The following FRAS1 variants were observed in gnomAD, a reference collection of about 807,000 sequenced individuals.
FRAS1 encodes extracellular matrix organizing protein FRAS1.
Under a neutral mutation model 435.2 loss-of-function variants are expected in FRAS1, and 290 were observed. That is an observed-to-expected ratio of 0.67 (90% CI 0.61 to 0.73). The LOEUF is 0.73. Among genes scored for constraint, FRAS1 ranks in the 30% least tolerant of loss-of-function variants. The pLI, the probability that FRAS1 is intolerant of heterozygous loss-of-function variation, is 0.00. For synonymous variants in FRAS1, 1,800 were observed against 1,851.0 expected (o/e 0.97, Z 0.71); for missense variants, 4,860 against 5,001.5 (o/e 0.97, Z 0.85).
chr4:78,379,992 C>T lies in FRAS1; in HGVS notation c.3559C>T (p.Leu1187Phe), dbSNP rs768024684. 1.9e-6 allele frequency: 3 copies of T among 1,612,102 alleles called. No homozygotes were observed. Among genetic ancestry groups the T allele is most frequent in the South Asian group, 1.1e-5 (1 of 90,734 alleles). ...KVRFVHSKEK[L>F]RKGYLFLKIS... ...GCGTTTTGTGCACAGCAAAGAAAAA[C>T]TCAGGTGACTCTGTGTTCTGTTGTT... The change falls in exon 27 of 74, where the codon CTC becomes TTC. Residue 1187 changes from leucine to phenylalanine, a missense_variant. Physicochemically the swap from Leu to Phe is conservative, Grantham distance 22 (BLOSUM62 0). Transcript: ENST00000512123.
At chr4:78,318,203 A>C (rs1258297126) in intron 17 of FRAS1, among the ~76,000 whole-genome samples, 1 of 152,236 alleles carries the variant, frequency 6.6e-6, no homozygotes, top group Non-Finnish European at 1.5e-5. Flanking sequence ...AATCTTTTAA[A>C]GAACGGGAGA....
Position 78,315,587 on chromosome 4 carries a change from C to A in FRAS1, c.1679-7C>A. The stretch of plus-strand genomic sequence containing the variant: ...CTTTCTCTGATGGGTTTTTTGCCTC[C>A]CCTTAGCTTGTGACCAATCCTGTGA... On this transcript the variant is annotated splice_polypyrimidine_tract_variant and splice_region_variant and intron_variant, in intron 15 of 73. Coordinates refer to ENST00000512123, the MANE Select transcript of FRAS1 (RefSeq NM_025074.7). 6.2e-7 allele frequency: 1 copy of A among 1,603,112 alleles called. No individual in the cohort carries two copies.
At chr4:78,332,372 C>T (rs1467653019) in intron 18 of FRAS1, among the ~76,000 whole-genome samples, 1 of 152,172 alleles carries the variant, frequency 6.6e-6, no homozygotes, top group African/African-American at 2.4e-5. Flanking sequence ...ACAATGGCTA[C>T]CCTTGAGAAG....
chr4:78,442,366 G>A (rs942734261), intron 41 of FRAS1, among the ~76,000 whole-genome samples: 1 of 152,238 alleles, frequency 6.6e-6, no homozygotes, highest in African/African-American at 2.4e-5. Context: ...ACAGGGAAAG[G>A]AGCAAAGCAC....
chr4:78,475,860 A>G (rs1338750842), intron 54 of FRAS1, among the ~76,000 whole-genome samples: 2 of 152,232 alleles, frequency 1.3e-5, no homozygotes, highest in Non-Finnish European at 2.9e-5. Context: ...CTTCATGACA[A>G]AAAGAAGTCT....
chr4:78,273,005 G>T (rs1233758843), intron 9 of FRAS1, among the ~76,000 whole-genome samples: 1 of 152,110 alleles, frequency 6.6e-6, no homozygotes, highest in Non-Finnish European at 1.5e-5. Context: ...GTGGTTTGTA[G>T]TTCTCCTTGA....
intron 56 of FRAS1, among the ~76,000 whole-genome samples, chr4:78,480,878 C>T (rs966353795): frequency 4.6e-5 from 7 of 152,180 alleles, no homozygotes; most frequent in Non-Finnish European, 5.9e-5. Flanking sequence ...GAGCACTTAC[C>T]GAATGCCGGG....
At chr4:78,533,333 T>C (rs1158994787) in intron 70 of FRAS1, among the ~76,000 whole-genome samples, 1 of 152,232 alleles carries the variant, frequency 6.6e-6, no homozygotes. Flanking sequence ...GAATATTTGC[T>C]GAATAAATGA....
intron 2 of FRAS1, among the ~76,000 whole-genome samples, chr4:78,130,207 T>A (rs1372128916): frequency 6.6e-6 from 1 of 152,184 alleles, no homozygotes; most frequent in Non-Finnish European, 1.5e-5. Flanking sequence ...TACCTTCCGG[T>A]TTTAAGCTCC....
intron 6 of FRAS1, among the ~76,000 whole-genome samples, chr4:78,264,259 G>A (rs1726246645): frequency 6.6e-6 from 1 of 152,194 alleles, no homozygotes; most frequent in Non-Finnish European, 1.5e-5. Context: ...GAGACAAATA[G>A]TCTGATATTC....
At position 78,108,777 on chromosome 4, in the gene FRAS1, C is replaced by CA. The variant is rs1489781422; in HGVS notation, c.108+42767dup. Among the ~76,000 whole-genome samples the CA allele has an allele frequency of 4.6e-5, 5 of 108,046 alleles. 1 individual carries two copies. Among genetic ancestry groups the CA allele is most frequent in the African/African-American group, 2.0e-4 (5 of 25,566 alleles). The allele number at this position is 108,046 out of a possible 152,430, so 70.9% of individuals were successfully genotyped here. On this transcript the variant is annotated intron_variant, in intron 2 of 73. Transcript: ENST00000512123. ...AGCAGAACTGAAGGAAATAGAGACA[C>CA]AAAAAACCCTTCAAAAAATCAATGA...
rs370226768 is a variant in FRAS1 at position 78,130,671 on chromosome 4, G to T, written c.108+64655G>T. Among the ~76,000 whole-genome samples the T allele has an allele frequency of 4.0e-4, 61 of 152,298 alleles. 2 individuals carry two copies. The highest frequency in any genetic ancestry group is 1.4e-3 in the African/African-American group (59 of 41,566). On this transcript the variant is annotated intron_variant, in intron 2 of 73. Transcript: ENST00000512123. ...CCAATCCAGGCACTAAGGATTTGGG[G>T]ACAGACTTGGCCCTATCCTCATGAA... is the stretch of plus-strand genomic sequence containing the variant.
chr4:78,435,763 A>G (rs1020105883), intron 38 of FRAS1, among the ~76,000 whole-genome samples: 7 of 151,930 alleles, frequency 4.6e-5, no homozygotes, highest in African/African-American at 1.2e-4. Context: ...ACAACCAGTC[A>G]TAGCAAGCCG....
chr4:78,480,511 T>C (rs1719981293), intron 56 of FRAS1, among the ~76,000 whole-genome samples: 1 of 152,154 alleles, frequency 6.6e-6, no homozygotes, highest in Non-Finnish European at 1.5e-5. Context: ...GCACTGAGCA[T>C]CTGGGCTTGT....
intron 51 of FRAS1, among the ~76,000 whole-genome samples, chr4:78,471,022 G>A (rs1719691034): frequency 6.6e-6 from 1 of 152,200 alleles, no homozygotes; most frequent in African/African-American, 2.4e-5. Context: ...GAAGGGGAGG[G>A]TGGATTTTGG....
chr4:78,072,407 G>T (rs1427369225), intron 2 of FRAS1, among the ~76,000 whole-genome samples: 1 of 152,138 alleles, frequency 6.6e-6, no homozygotes, highest in Non-Finnish European at 1.5e-5. Context: ...ATTCATCAAC[G>T]TGCTCAAGAG....
chr4:78,536,938 AT>A, intron 71 of FRAS1, 56 bp from the exon 72 acceptor site: 2 of 1,442,944 alleles, frequency 1.4e-6, no homozygotes, highest in East Asian at 4.5e-5. Context: ...AACCCTTGAC[AT>A]TTGTTTTTCT....
intron 2 of FRAS1, among the ~76,000 whole-genome samples, chr4:78,069,399 C>A (rs1189352508): frequency 2.6e-5 from 4 of 152,220 alleles, no homozygotes; most frequent in Admixed American, 2.6e-4. Flanking sequence ...CTCAGCCTGT[C>A]TTGTGAGGAT....
At chr4:78,193,460 T>C (rs1722646721) in intron 2 of FRAS1, among the ~76,000 whole-genome samples, 1 of 152,228 alleles carries the variant, frequency 6.6e-6, no homozygotes, top group Non-Finnish European at 1.5e-5. Flanking sequence ...TGCTCCTGTA[T>C]TGGGTTCATA....
Sources: allele counts gnomAD v4.1 joint callset (sites outside exome capture counted in the v4.1 genomes callset), GRCh38; gene constraint gnomAD v4.1.1; transcripts MANE v1.5; gene names NCBI Gene and HGNC (gene_info 2026-07-23, HGNC 2026-07-21).